SLC12A9: variants seen among roughly 807,000 people sequenced by gnomAD.
SLC12A9 encodes the protein CCC-interacting protein 1.
In SLC12A9, 55 loss-of-function variants were observed where a neutral mutation model predicts 66.0. The observed-to-expected ratio is 0.83, with a 90% CI of 0.67 to 1.04. SLC12A9 has a LOEUF of 1.04. Among genes scored for constraint, SLC12A9 ranks in the 50% least tolerant of loss-of-function variants. The probability of loss-of-function intolerance (pLI) is 0.00; values close to 1 mark genes in which losing one functional copy is unlikely to be tolerated. For synonymous variants in SLC12A9, 577 were observed against 569.0 expected (o/e 1.01, Z -0.20); for missense variants, 1,061 against 1,241.9 (o/e 0.85, Z 2.19).
At chr7:100,849,879 T>C (rs558946729), upstream of SLC12A9, among the ~76,000 whole-genome samples, 428 of 142,276 alleles carry the variant, frequency 3.0e-3, 9 homozygotes, top group East Asian at 0.035. Context: ...TTCCCTTCCC[T>C]TTTTTTTTTT....
exon 1 of SLC12A9, chr7:100,827,004 C>G: frequency 6.3e-7 from 1 of 1,580,740 alleles, no homozygotes; most frequent in Non-Finnish European, 8.6e-7. Context: ...CCAACGAAGC[C>G]CAGCAGAGCA....
chr7:100,862,194 T>C (rs1251093504), intron 12 of SLC12A9, among the ~76,000 whole-genome samples: 2 of 152,054 alleles, frequency 1.3e-5, no homozygotes, highest in Non-Finnish European at 2.9e-5. Flanking sequence ...TGACCTCAAG[T>C]GCTCCGCCCA....
chr7:100,857,462 C>G (rs1163745840), intron 5 of SLC12A9: 1 of 454,114 alleles, frequency 2.2e-6, no homozygotes, highest in African/African-American at 1.9e-5. Flanking sequence ...CCCAGCATGA[C>G]TTAAACAGAT....
chr7:100,831,279 T>C (rs314317), intron 1 of SLC12A9, among the ~76,000 whole-genome samples: 43,206 of 152,080 alleles, frequency 0.28, 6,336 homozygotes, highest in Middle Eastern at 0.41. Context: ...CTCTGCCTCC[T>C]GGGTTCAAGT....
intron 13 of SLC12A9, 81 bp downstream of exon 13, chr7:100,862,908 C>A: frequency 1.9e-6 from 3 of 1,554,016 alleles, no homozygotes; most frequent in Non-Finnish European, 2.6e-6. Context: ...AGAGAGTCAG[C>A]CACAGATTGC....
Position 100,866,127 on chromosome 7 carries a change from G to A in SLC12A9, c.2267G>A (p.Gly756Asp). 1.2e-6 allele frequency: 2 copies of A among 1,612,940 alleles called. No homozygotes were observed. Among genetic ancestry groups the A allele is most frequent in the Non-Finnish European group, 1.7e-6 (2 of 1,179,832 alleles). ...CTGCTGCAGATGGCAACCATCTTGGGCATGGTGCCCGCTTGGCATAGCGCC... is the reference window on the plus strand; with the variant it reads ...CTGCTGCAGATGGCAACCATCTTGGACATGGTGCCCGCTTGGCATAGCGCC... The part of the protein sequence containing the change: ...LFLLQMATIL[G>D]MVPAWHSARL... Residue 756 changes from glycine (G) to aspartate (D), a missense_variant, in exon 14 of 14, where the codon GGC (glycine) becomes GAC (aspartate). Physicochemically the swap from Gly to Asp is moderately conservative, Grantham distance 94. Coordinates refer to ENST00000354161, the MANE Select transcript of SLC12A9 (RefSeq NM_020246.4). This position sits in a 1 kb window ranked among gnomAD's most constrained non-coding sequence, Gnocchi z 7.3.
chr7:100,847,773 C>T (rs948680735), upstream of SLC12A9, among the ~76,000 whole-genome samples: 2 of 151,628 alleles, frequency 1.3e-5, no homozygotes, highest in Non-Finnish European at 2.9e-5. Context: ...CTTGAGTTGC[C>T]CATTTGATGT....
At chr7:100,845,052 A>T (rs1022030414) in intron 1 of SLC12A9, among the ~76,000 whole-genome samples, 11 of 152,078 alleles carry the variant, frequency 7.2e-5, no homozygotes, top group Admixed American at 6.6e-4. Flanking sequence ...CTGGCACAAA[A>T]AAATCACCCT....
At chr7:100,826,962 C>CG (rs1554421537) in exon 1 of SLC12A9, 2 of 1,527,348 alleles carry the variant, frequency 1.3e-6, no homozygotes, top group Admixed American at 1.9e-5. Context: ...TGCGCCCCCC[C>CG]CCGCAAGGAA....
At chr7:100,838,941 T>A (rs1813723318) in intron 1 of SLC12A9, among the ~76,000 whole-genome samples, 1 of 152,018 alleles carries the variant, frequency 6.6e-6, no homozygotes. Flanking sequence ...TAATTACCGG[T>A]GCATGCAGCC....
At chr7:100,836,664 G>C (rs1361669554) in intron 1 of SLC12A9, among the ~76,000 whole-genome samples, 2 of 152,062 alleles carry the variant, frequency 1.3e-5, no homozygotes, top group Admixed American at 1.3e-4. Context: ...GCTCACTCCT[G>C]GGCCGTTTTG....
Position 100,839,203 on chromosome 7 carries a change from T to A in SLC12A9, n.228+12156T>A, listed in dbSNP as rs897510927. Among the ~76,000 whole-genome samples the A allele has an allele frequency of 2.2e-4, 34 of 152,086 alleles. No individual in the cohort carries two copies. In the Middle Eastern group the frequency reaches 0.017, roughly 76 times the overall value. On this transcript the variant is annotated intron_variant and non_coding_transcript_variant, in intron 1 of 1. Coordinates refer to the SLC12A9 transcript ENST00000461016. ...AGCTGGGCATGGTGGCGGGCGCCTG[T>A]AGTCCCAGCTACTCAGGAGGCTGAG...
upstream of SLC12A9, among the ~76,000 whole-genome samples, chr7:100,848,735 AATTAGCCGTGC>A (rs1244866279): frequency 6.6e-6 from 1 of 151,472 alleles, no homozygotes; most frequent in East Asian, 2.0e-4. Context: ...AAATACAAAA[AATTAGCCGTGC>A]GTGGTGGCGG....
intron 1 of SLC12A9, 42 bp from the exon 2 acceptor site, chr7:100,854,114 C>G (rs965709629): frequency 3.0e-6 from 4 of 1,321,676 alleles, no homozygotes; most frequent in African/African-American, 1.5e-5. Context: ...GGTGGGCGAG[C>G]TCTGTGGGGG....
chr7:100,845,321 G>A (rs1562983795), intron 1 of SLC12A9, among the ~76,000 whole-genome samples: 1 of 150,404 alleles, frequency 6.6e-6, no homozygotes, highest in Admixed American at 6.7e-5. Flanking sequence ...CAGACAAGTA[G>A]TTGTGTTATT....
At chr7:100,854,509 G>A in intron 2 of SLC12A9, 111 bp from the exon 3 acceptor site, 1 of 1,595,740 alleles carries the variant, frequency 6.3e-7, no homozygotes, top group Non-Finnish European at 8.5e-7. Context: ...GGTTTGGGGA[G>A]GGGCTCTCTG....
intron 7 of SLC12A9, chr7:100,859,673 T>C: frequency 1.7e-6 from 1 of 593,592 alleles, no homozygotes; most frequent in Non-Finnish European, 2.9e-6. Flanking sequence ...ATTACAGCAC[T>C]GCACTTTAGC....
chr7:100,828,090 G>C (rs1813463782), intron 1 of SLC12A9, among the ~76,000 whole-genome samples: 1 of 152,220 alleles, frequency 6.6e-6, no homozygotes, highest in Non-Finnish European at 1.5e-5. Context: ...ATCCCAGTTT[G>C]GATAGCCTTG....
intron 1 of SLC12A9, chr7:100,837,381 A>G (rs970228754): frequency 5.9e-5 from 9 of 152,248 alleles, no homozygotes; most frequent in Admixed American, 4.6e-4. Flanking sequence ...GTAGCCACAC[A>G]ATTCGCGCCT....
Sources: allele counts gnomAD v4.1 joint callset (sites outside exome capture counted in the v4.1 genomes callset), GRCh38; gene constraint gnomAD v4.1.1; non-coding constraint Gnocchi (gnomAD v3.1); transcripts MANE v1.5; gene names NCBI Gene and HGNC (gene_info 2026-07-23, HGNC 2026-07-21).